Variants in HDAC1 observed in about 807,000 individuals in gnomAD.
HDAC1 encodes the protein protein deacetylase HDAC1.
In HDAC1, 18 loss-of-function variants were observed where a neutral mutation model predicts 65.5. The ratio of observed to expected loss-of-function variants is 0.27; its 90% confidence interval spans 0.19 to 0.41. The LOEUF is 0.41. Among genes scored for constraint, HDAC1 ranks in the 10% least tolerant of loss-of-function variants. The pLI is 1.00. For synonymous variants in HDAC1, 211 were observed against 227.9 expected (o/e 0.93, Z 0.67); for missense variants, 373 against 625.2 (o/e 0.60, Z 4.30).
chr1:32,331,435 G>GCCAGGTCTCTTGAC lies in HDAC1; in HGVS notation c.980-38_980-25dup, dbSNP rs750192114. The stretch of plus-strand genomic sequence containing the variant: ...ACGTGCAAATGGTTAGGGTGCGGTG[G>GCCAGGTCTCTTGAC]CCAGGTCTCTTGACGGTCTTCTCTC... On this transcript the variant is annotated intron_variant, in intron 9 of 13. Transcript: ENST00000373548. This position sits in a 1 kb window ranked among gnomAD's most constrained non-coding sequence, Gnocchi z 4.2. The GCCAGGTCTCTTGAC allele has an allele frequency of 2.0e-5, 24 of 1,183,240 alleles. No homozygotes were observed. The highest frequency in any genetic ancestry group is 3.4e-5 in the Admixed American group (2 of 59,286). The allele number at this position is 1,183,240 out of a possible 1,614,324, so 73.3% of individuals were successfully genotyped here.
chr1:32,314,821 G>T (rs866783006), intron 2 of HDAC1, among the ~76,000 whole-genome samples: 30 of 130,976 alleles, frequency 2.3e-4, no homozygotes, highest in South Asian at 4.7e-4. Flanking sequence ...GCGAGACTCC[G>T]TCTCAAAAAA....
chr1:32,311,952 G>A (rs1361350901), intron 2 of HDAC1, among the ~76,000 whole-genome samples: 4 of 152,156 alleles, frequency 2.6e-5, no homozygotes, highest in Non-Finnish European at 5.9e-5. Flanking sequence ...AAAGGGCTTA[G>A]TATAGTAAAA....
In HDAC1 at chr1:32,300,092, T is replaced by G. The variant is rs139010470; in HGVS notation, c.50-2529T>G. ...GAAAAAAGGAAAATCCAATGTAGCT[T>G]TTAGCATATTGGATTTGGAGTCCGA... On this transcript the variant is annotated intron_variant, in intron 1 of 13. Coordinates refer to ENST00000373548, the MANE Select transcript of HDAC1 (RefSeq NM_004964.3). 3.0e-3 allele frequency among the ~76,000 whole-genome samples: 461 copies of G among 151,948 alleles called. 1 individual carries two copies. Among genetic ancestry groups the G allele is most frequent in the African/African-American group, 0.011 (440 of 41,458 alleles).
intron 1 of HDAC1, among the ~76,000 whole-genome samples, chr1:32,299,314 G>A (rs1454215420): frequency 1.3e-5 from 2 of 152,062 alleles, no homozygotes; most frequent in Non-Finnish European, 2.9e-5. Context: ...CACTGTTGGA[G>A]GCTCACATCT....
rs771854150 is a variant in HDAC1 at position 32,327,751 on chromosome 1, A to G, written c.636+74A>G. The G allele has an allele frequency of 1.4e-6, 2 of 1,425,586 alleles. No homozygotes were observed. The highest frequency in any genetic ancestry group is 4.6e-5 in the East Asian group (2 of 43,712). 88.3% of individuals were successfully genotyped at this position (1,425,586 alleles called of 1,614,324 possible). ...CTACTTCTCTCTCCTATCTCATGCC[A>G]CTAAAAATTGCTTCTTGCCTCTTCT... On this transcript the variant is annotated intron_variant, in intron 6 of 13. Coordinates refer to ENST00000373548, the MANE Select transcript of HDAC1 (RefSeq NM_004964.3). This position sits in a 1 kb window ranked among gnomAD's most constrained non-coding sequence, Gnocchi z 6.0.
chr1:32,302,929 C>T (rs1352425393), intron 2 of HDAC1, among the ~76,000 whole-genome samples, 196 bp downstream of exon 2: 3 of 152,036 alleles, frequency 2.0e-5, no homozygotes, highest in Non-Finnish European at 1.5e-5. Flanking sequence ...CACAGCACTT[C>T]AGGAGGTGAA....
At chr1:32,324,637 G>C in intron 4 of HDAC1, 84 bp downstream of exon 4, 1 of 903,060 alleles carries the variant, frequency 1.1e-6, no homozygotes, top group African/African-American at 1.6e-5. Context: ...CTAGTTGGCT[G>C]ATCTGAAACC....
chr1:32,294,003 G>C (rs1424395993), intron 1 of HDAC1, among the ~76,000 whole-genome samples: 1 of 151,860 alleles, frequency 6.6e-6, no homozygotes, highest in Non-Finnish European at 1.5e-5. Context: ...GGGAGGCAGA[G>C]GTTGCAGTGG....
chr1:32,300,461 A>G (rs375643108), intron 1 of HDAC1, among the ~76,000 whole-genome samples: 24 of 152,194 alleles, frequency 1.6e-4, no homozygotes, highest in East Asian at 5.8e-4. Context: ...AGGCTGAGGC[A>G]GGAGAACTGC....
chr1:32,311,409 A>G (rs1196688465), intron 2 of HDAC1, among the ~76,000 whole-genome samples: 2 of 152,026 alleles, frequency 1.3e-5, no homozygotes, highest in Non-Finnish European at 2.9e-5. Flanking sequence ...AGAAGTTGCA[A>G]TGAGCCGAGA....
At chr1:32,324,417 G>T (rs1641188766) in intron 3 of HDAC1, 62 bp from the exon 4 acceptor site, 1 of 1,120,346 alleles carries the variant, frequency 8.9e-7, no homozygotes, top group Non-Finnish European at 1.4e-6. Context: ...TTTTCCATCA[G>T]CTCATAAATA....
intron 3 of HDAC1, among the ~76,000 whole-genome samples, chr1:32,317,619 T>C (rs1227779900): frequency 6.6e-6 from 1 of 152,184 alleles, no homozygotes; most frequent in Non-Finnish European, 1.5e-5. Flanking sequence ...TTACAACTAA[T>C]AATAACTGTA....
Position 32,302,753 on chromosome 1 carries a change from A to G in HDAC1, c.162+20A>G, listed in dbSNP as rs745892233. 1 of 1,099,620 alleles carries G rather than the reference A, an allele frequency of 9.1e-7. No homozygotes were observed. The allele number at this position is 1,099,620 out of a possible 1,614,324, so 68.1% of individuals were successfully genotyped here. A position where few individuals can be genotyped will look rare whatever the true frequency, so the allele number is the denominator to read the frequency against. ...ATCTATGTGAGTTACCAGAGGTGCT[A>G]CCGCTCCCTAACCTCATCTGCTCTG... On this transcript the variant is annotated intron_variant, in intron 2 of 13. Coordinates refer to ENST00000373548, the MANE Select transcript of HDAC1 (RefSeq NM_004964.3).
chr1:32,301,519 C>T (rs920668424), intron 1 of HDAC1, among the ~76,000 whole-genome samples: 16 of 152,000 alleles, frequency 1.1e-4, no homozygotes, highest in African/African-American at 3.6e-4. Context: ...CCTGTAATCC[C>T]GGCACTTTGG....
intron 1 of HDAC1, among the ~76,000 whole-genome samples, chr1:32,293,718 A>G (rs530291961): frequency 8.5e-5 from 13 of 152,204 alleles, no homozygotes; most frequent in African/African-American, 2.9e-4. Context: ...CCTGACCAAC[A>G]TGGTGAAACC....
Position 32,327,085 on chromosome 1 carries a change from T to C in HDAC1, c.494+8T>C, listed in dbSNP as rs1294660099. Reference sequence around the variant, plus strand: ...CATCCTGGAACTGCTAAAGTATGCCTGCCTGGCCTTGTCTCTTGGAAGAGC... The same window carrying C: ...CATCCTGGAACTGCTAAAGTATGCCCGCCTGGCCTTGTCTCTTGGAAGAGC... On this transcript the variant is annotated splice_region_variant and intron_variant, in intron 5 of 13. Coordinates refer to ENST00000373548, the MANE Select transcript of HDAC1 (RefSeq NM_004964.3). The surrounding 1 kb of genome is among the most constrained non-coding windows in gnomAD (Gnocchi z 6.0). The C allele has an allele frequency of 6.2e-7, 1 of 1,613,818 alleles. No individual in the cohort carries two copies. The highest frequency in any genetic ancestry group is 1.1e-5 in the South Asian group (1 of 91,084).
rs1405297739 is a variant in HDAC1, at chr1:32,326,810, T to A, written c.356-129T>A. ...TGAAGTAGGGTGGGAGGGAGGGGAC[T>A]GGTCTATGAATTGCACAATACAGCT... On this transcript the variant is annotated intron_variant, in intron 4 of 13. Coordinates refer to ENST00000373548, the MANE Select transcript of HDAC1 (RefSeq NM_004964.3). The A allele has an allele frequency of 5.7e-6, 5 of 874,076 alleles. No homozygotes were observed. In the African/African-American group the frequency reaches 8.4e-5, roughly 15 times the overall value. 54.1% of individuals were successfully genotyped at this position (874,076 alleles called of 1,614,324 possible). A position where few individuals can be genotyped will look rare whatever the true frequency, so the allele number is the denominator to read the frequency against.
chr1:32,309,768 A>G (rs1006144441), intron 2 of HDAC1, among the ~76,000 whole-genome samples: 3 of 151,518 alleles, frequency 2.0e-5, no homozygotes, highest in Admixed American at 6.6e-5. Context: ...ATAATGCACT[A>G]TAGCCTCAAA....
Position 32,333,427 on chromosome 1 carries a change from TCCTAA to T in HDAC1, c.*384_*388del, listed in dbSNP as rs1262427504. The T allele has an allele frequency of 2.5e-5, 4 of 160,572 alleles. No homozygotes were observed. Among genetic ancestry groups the T allele is most frequent in the African/African-American group, 9.6e-5 (4 of 41,592 alleles). 9.9% of individuals were successfully genotyped at this position (160,572 alleles called of 1,614,324 possible). ...CAAGGATCTCCTGTTTTTTTCAGGCTCCTAAAGTAACATCAGCCATTTTTAGATTG... is the reference window on the plus strand; with the variant it reads ...CAAGGATCTCCTGTTTTTTTCAGGCTAGTAACATCAGCCATTTTTAGATTG... On this transcript the variant is annotated 3_prime_UTR_variant, in exon 14 of 14. Transcript: ENST00000373548.
Sources: gnomAD v4.1 joint callset for allele counts (sites outside exome capture counted in the v4.1 genomes callset) on GRCh38, gnomAD v4.1.1 for gene constraint, Gnocchi (gnomAD v3.1) non-coding constraint, MANE v1.5 for transcripts, NCBI Gene and HGNC (gene_info 2026-07-23, HGNC 2026-07-21) for gene names.